The following MICAL2 variants were observed in gnomAD, a reference collection of about 807,000 sequenced individuals.
MICAL2 encodes the protein microtubule associated monooxygenase, calponin and LIM domain containing 2, also known as [F-actin]-monooxygenase MICAL2.
A neutral mutation model predicts 127.3 loss-of-function variants in MICAL2; 77 were observed. The ratio of observed to expected loss-of-function variants is 0.60; its 90% CI spans 0.50 to 0.73. The LOEUF (loss-of-function observed/expected upper bound fraction) is 0.73, where lower values mean the gene tolerates loss of function less well. Among genes scored for constraint, MICAL2 ranks in the 30% least tolerant of loss-of-function variants. The probability of loss-of-function intolerance (pLI) is 0.00; values close to 1 mark genes in which losing one functional copy is unlikely to be tolerated. For missense variants in MICAL2, 1,351 were observed against 1,434.4 expected (o/e 0.94, Z 0.94); for synonymous variants, 570 against 551.1 (o/e 1.03, Z -0.48).
At chr11:12,313,147 G>C (rs1269967150) in intron 29 of MICAL2, among the ~76,000 whole-genome samples, 1 of 105,014 alleles carries the variant, frequency 9.5e-6, no homozygotes, top group Admixed American at 1.6e-4. Flanking sequence ...CAGCCTGGGC[G>C]ACAGAGCAAG....
intron 4 of MICAL2, 67 bp downstream of exon 4, chr11:12,204,524 C>A: frequency 6.6e-7 from 1 of 1,505,022 alleles, no homozygotes; most frequent in Non-Finnish European, 9.2e-7. Context: ...CATATCTCTC[C>A]AGGTCTAGGA....
At chr11:12,328,532 T>C (rs899677632) in intron 32 of MICAL2, among the ~76,000 whole-genome samples, 1 of 152,164 alleles carries the variant, frequency 6.6e-6, no homozygotes, top group Non-Finnish European at 1.5e-5. Flanking sequence ...AATGAGCTAG[T>C]GAAGGGTTTT....
intron 4 of MICAL2, chr11:12,207,730 G>A (rs192660572): frequency 1.7e-4 from 48 of 275,116 alleles, no homozygotes; most frequent in African/African-American, 7.5e-4. Context: ...AAATCAGACA[G>A]ATGTGGGTCC....
intron 16 of MICAL2, among the ~76,000 whole-genome samples, chr11:12,236,603 A>G (rs1302060525): frequency 1.3e-5 from 2 of 152,240 alleles, no homozygotes; most frequent in Non-Finnish European, 2.9e-5. Context: ...GTAAAGAGGC[A>G]TCAGCACTCC....
chr11:12,193,831 G>A (rs983878971), intron 3 of MICAL2, among the ~76,000 whole-genome samples: 1 of 152,178 alleles, frequency 6.6e-6, no homozygotes, highest in African/African-American at 2.4e-5. Context: ...TTGTTATCTG[G>A]GCTTGTTGTG....
chr11:12,321,784 C>T (rs1300463905), intron 30 of MICAL2, among the ~76,000 whole-genome samples: 1 of 152,118 alleles, frequency 6.6e-6, no homozygotes, highest in East Asian at 1.9e-4. Flanking sequence ...GATAGCTTTG[C>T]TGCTGGGAAG....
At chr11:12,251,682 C>A (rs562693262) in intron 22 of MICAL2, among the ~76,000 whole-genome samples, 29 of 151,508 alleles carry the variant, frequency 1.9e-4, no homozygotes, top group African/African-American at 6.5e-4. Flanking sequence ...AAAGGTGGGA[C>A]CAGGTGTGGT....
intron 3 of MICAL2, among the ~76,000 whole-genome samples, chr11:12,171,153 C>T (rs1437739834): frequency 3.9e-5 from 6 of 152,140 alleles, no homozygotes; most frequent in Non-Finnish European, 7.3e-5. Flanking sequence ...TCTGGCTGCC[C>T]GTGGAGCTTT....
At chr11:12,286,934 T>C (rs998087208) in intron 2 of MICAL2, 1 of 391,734 alleles carries the variant, frequency 2.6e-6, no homozygotes, top group Non-Finnish European at 4.5e-6. Flanking sequence ...GACAGCAGTA[T>C]GGTGTGAGGG....
chr11:12,322,019 C>T (rs919454399), intron 30 of MICAL2, among the ~76,000 whole-genome samples: 3 of 151,878 alleles, frequency 2.0e-5, no homozygotes, highest in Non-Finnish European at 4.4e-5. Flanking sequence ...GTGCCTAACT[C>T]CTGGCTCTGC....
At chr11:12,238,317 A>G (rs535070533) in intron 16 of MICAL2, among the ~76,000 whole-genome samples, 1 of 152,324 alleles carries the variant, frequency 6.6e-6, no homozygotes, top group East Asian at 1.9e-4. Context: ...AACAGTGGTC[A>G]TTTTCAATTT....
At chr11:12,145,755 G>A (rs1852831617) in intron 2 of MICAL2, among the ~76,000 whole-genome samples, 4 of 152,348 alleles carry the variant, frequency 2.6e-5, no homozygotes, top group Non-Finnish European at 2.9e-5. Flanking sequence ...AAGGCTGAAT[G>A]CAGTGTATAG....
intron 2 of MICAL2, among the ~76,000 whole-genome samples, chr11:12,155,315 C>T (rs575817572): frequency 6.7e-4 from 102 of 152,082 alleles, no homozygotes; most frequent in African/African-American, 2.3e-3. Flanking sequence ...CATGTACATA[C>T]ACACACACGC....
chr11:12,227,584 C>T (rs572968392), intron 15 of MICAL2, among the ~76,000 whole-genome samples: 1 of 152,276 alleles, frequency 6.6e-6, no homozygotes, highest in African/African-American at 2.4e-5. Flanking sequence ...ATATATTGGG[C>T]TCTCCTATAG....
At chr11:12,276,009 C>G, upstream of MICAL2, 1 of 399,306 alleles carries the variant, frequency 2.5e-6, no homozygotes, top group Non-Finnish European at 4.4e-6. Context: ...CCCCAAGAGG[C>G]CGAAGAGCAT....
intron 2 of MICAL2, among the ~76,000 whole-genome samples, chr11:12,160,228 G>T (rs1210646007): frequency 6.6e-6 from 1 of 152,170 alleles, no homozygotes; most frequent in Non-Finnish European, 1.5e-5. Context: ...CTCCTGGCAG[G>T]TGGTGCCCAG....
intron 3 of MICAL2, among the ~76,000 whole-genome samples, chr11:12,180,349 A>ATATAT (rs11403732): frequency 0.14 from 19,842 of 139,500 alleles, 2,022 homozygotes; most frequent in East Asian, 0.33. Flanking sequence ...ATATGTATAT[A>ATATAT]TTTTTTTTTT....
chr11:12,288,383 A>G (rs1191695146), downstream of MICAL2, among the ~76,000 whole-genome samples: 5 of 152,056 alleles, frequency 3.3e-5, no homozygotes, highest in Non-Finnish European at 7.4e-5. Flanking sequence ...AGTGTGGGGG[A>G]TCAGTCCCTC....
In MICAL2 at chr11:12,204,275, G is replaced by C; in HGVS notation, c.290G>C (p.Cys97Ser). 2 of 1,614,068 alleles carry C rather than the reference G, an allele frequency of 1.2e-6. No individual in the cohort carries two copies. Among genetic ancestry groups the C allele is most frequent in the South Asian group, 1.1e-5 (1 of 91,078 alleles). ...TGTCTCATAGTTGGGGGAGGACCCT[G>C]TGGCTTGCGCACTGCCATTGAACTT... ...TKCLIVGGGP[C>S]GLRTAIELAY... is the part of the protein sequence containing the mutation. The change falls in exon 4 of 28, where the codon TGT (cysteine) becomes TCT (serine). Residue 97 changes from cysteine to serine, a missense_variant. By Grantham distance (112) the Cys-to-Ser change is moderately radical. This residue lies in a region of MICAL2 where 599 missense variants were observed against 714.9 expected (regional missense o/e 0.84). Transcript: ENST00000683283.
Sources: allele counts gnomAD v4.1 joint callset (sites outside exome capture counted in the v4.1 genomes callset), GRCh38; gene constraint gnomAD v4.1.1; regional missense constraint gnomAD v4.1.1; transcripts MANE v1.5; gene names NCBI Gene and HGNC (gene_info 2026-07-23, HGNC 2026-07-21).